Variants in TBC1D24 observed in about 807,000 individuals in gnomAD.
TBC1D24 encodes the protein TBC1 domain family member 24, also known as Infantile myoclonic epilepsy.
In TBC1D24, 47 loss-of-function variants were observed where a neutral mutation model predicts 50.7. That is an observed-to-expected ratio of 0.93 (90% CI 0.73 to 1.18). The LOEUF (loss-of-function observed/expected upper bound fraction) is 1.18. Ranked by LOEUF, TBC1D24 falls within the 50% of genes most tolerant of loss-of-function variation. TBC1D24 has a pLI of 0.00. For missense variants in TBC1D24, 688 were observed against 766.5 expected, an observed-to-expected ratio of 0.90 and a Z score of 1.21; for synonymous variants, 324 against 335.2, an observed-to-expected ratio of 0.97 and a Z score of 0.36.
chr16:2,494,440 C>T (rs929960835), intron 1 of TBC1D24, among the ~76,000 whole-genome samples: 2 of 150,750 alleles, frequency 1.3e-5, no homozygotes, highest in Admixed American at 6.6e-5. Context: ...AGAACTAGAA[C>T]GAAGCATCTC....
At chr16:2,476,117 C>T (rs2065566102) in intron 1 of TBC1D24, among the ~76,000 whole-genome samples, 2 of 150,362 alleles carry the variant, frequency 1.3e-5, no homozygotes, top group Non-Finnish European at 1.5e-5. Context: ...TGATTTTTCC[C>T]TGTTTTGCTG....
intron 1 of TBC1D24, chr16:2,477,255 A>G (rs960353734): frequency 3.3e-5 from 5 of 152,226 alleles, no homozygotes; most frequent in Admixed American, 2.0e-4. Flanking sequence ...TTCATTATTC[A>G]ATGATTTTCT....
At chr16:2,484,698 C>A (rs1343870087) in intron 1 of TBC1D24, 1 of 152,356 alleles carries the variant, frequency 6.6e-6, no homozygotes, top group African/African-American at 2.4e-5. Context: ...GTCCACTGTG[C>A]CAGCTCCATT....
rs940314209 is a variant in TBC1D24 at position 2,486,815 on chromosome 16, C to G, written c.-115-9219C>G. ...GCTGGAATTCTCTGTTTGTCGCTCG[C>G]CCCCGCCTCCAGCATCCCCAAGTGG... On this transcript the variant is annotated intron_variant, in intron 1 of 7. Coordinates refer to ENST00000646147, the MANE Select transcript of TBC1D24 (RefSeq NM_001199107.2). The surrounding 1 kb of genome is among the most constrained non-coding windows in gnomAD (Gnocchi z 5.8). Among the ~76,000 whole-genome samples, 1 of 152,226 alleles carries G rather than the reference C, an allele frequency of 6.6e-6. No homozygotes were observed. The highest frequency in any genetic ancestry group is 6.5e-5 in the Admixed American group (1 of 15,286).
intron 1 of TBC1D24, among the ~76,000 whole-genome samples, chr16:2,490,018 G>T (rs193018220): frequency 6.6e-6 from 1 of 152,278 alleles, no homozygotes; most frequent in East Asian, 1.9e-4. Context: ...CACCTACTCT[G>T]CTGGTGTCTG....
intron 1 of TBC1D24, among the ~76,000 whole-genome samples, chr16:2,488,904 C>CA (rs1272998413): frequency 0.035 from 3,456 of 97,634 alleles, 105 homozygotes; most frequent in African/African-American, 0.1. Context: ...ACTAAAAATA[C>CA]AAAAAAAAAA....
At position 2,496,308 on chromosome 16, in the gene TBC1D24, G is replaced by T. The variant is rs1250772981; in HGVS notation, c.160G>T (p.Val54Leu). The T allele has an allele frequency of 1.2e-6, 2 of 1,613,682 alleles. No individual in the cohort carries two copies. The highest frequency in any genetic ancestry group is 2.7e-5 in the African/African-American group (2 of 75,080). ...WAQSHALRGK[V>L]YQRLIRDIPC... ...CCAAAGCCACGCCCTGCGGGGAAAGGTGTACCAGCGCCTGATCCGGGACAT... is the reference window on the plus strand; with the variant it reads ...CCAAAGCCACGCCCTGCGGGGAAAGTTGTACCAGCGCCTGATCCGGGACAT... Residue 54 changes from valine to leucine, a missense_variant, in exon 2 of 8, where the codon GTG (valine) becomes TTG (leucine). Coordinates refer to ENST00000646147, the MANE Select transcript of TBC1D24 (RefSeq NM_001199107.2).
At chr16:2,495,902 C>T in intron 1 of TBC1D24, 132 bp from the exon 2 acceptor site, 1 of 498,314 alleles carries the variant, frequency 2.0e-6, no homozygotes, top group Non-Finnish European at 3.6e-6. Flanking sequence ...CACTGCACCG[C>T]ACTCCAACCT....
rs9939052 is a variant in TBC1D24 at position 2,500,064 on chromosome 16, C to T, written c.1302+134C>T. On this transcript the variant is annotated intron_variant, in intron 6 of 7. Transcript: ENST00000646147. This position sits in a 1 kb window ranked among gnomAD's most constrained non-coding sequence, Gnocchi z 8.0. ...CCCAGCAGCGTCATCGCCCTGTGTG[C>T]TTCCGGGTTTGATCATTCAGCCGTG... 5.0e-3 allele frequency: 4,966 copies of T among 985,642 alleles called. 154 individuals are homozygous for T. In the African/African-American group the frequency reaches 0.067, roughly 13 times the overall value. The allele number at this position is 985,642 out of a possible 1,614,324, so 61.1% of individuals were successfully genotyped here.
Position 2,500,287 on chromosome 16 carries a change from G to A in TBC1D24, c.1322G>A (p.Arg441His), listed in dbSNP as rs556865791. Residue 441 changes from arginine to histidine, a missense_variant, in exon 7 of 8, where the codon CGC (arginine) becomes CAC (histidine). Transcript: ENST00000646147. This position sits in a 1 kb window ranked among gnomAD's most constrained non-coding sequence, Gnocchi z 8.0. ...FVFRLQPEVQ[R>H]YEWVVIKHPE... ...CCCCAGCTGCAGCCTGAGGTGCAGCGCTACGAGTGGGTGGTGATCAAGCAC... is the reference window on the plus strand; with the variant it reads ...CCCCAGCTGCAGCCTGAGGTGCAGCACTACGAGTGGGTGGTGATCAAGCAC... 11 of 1,608,054 alleles carry A rather than the reference G, an allele frequency of 6.8e-6. No individual in the cohort carries two copies. The East Asian group carries it at 2.0e-4, about 29-fold the overall frequency.
chr16:2,497,753 C>T, intron 3 of TBC1D24, 26 bp downstream of exon 3: 3 of 1,535,662 alleles, frequency 2.0e-6, no homozygotes, highest in East Asian at 2.4e-5. Context: ...TATCTGCACA[C>T]CTGGCCTCTG....
At position 2,496,418 on chromosome 16, in the gene TBC1D24, G is replaced by A; in HGVS notation, c.270G>A (p.Leu90=). The A allele has an allele frequency of 6.2e-7, 1 of 1,612,998 alleles. No homozygotes were observed. The highest frequency in any genetic ancestry group is 1.3e-5 in the African/African-American group (1 of 75,062). Residue 90 remains leucine, a synonymous_variant, in exon 2 of 8, where the codon CTG becomes CTA. Transcript: ENST00000646147. ...KIVGKHSSSC[L]PLPEFVDNTQ... is the part of the protein sequence containing the mutation. Reference sequence around the variant, plus strand: ...TGGGCAAGCACAGCAGCAGCTGCCTGCCGCTGCCCGAGTTCGTGGACAACA... The same window carrying A: ...TGGGCAAGCACAGCAGCAGCTGCCTACCGCTGCCCGAGTTCGTGGACAACA...
chr16:2,482,627 G>A lies in TBC1D24; in HGVS notation c.-116+7457G>A, dbSNP rs897231705. Among the ~76,000 whole-genome samples, 1 of 152,208 alleles carries A rather than the reference G, an allele frequency of 6.6e-6. No individual in the cohort carries two copies. Among genetic ancestry groups the A allele is most frequent in the Non-Finnish European group, 1.5e-5 (1 of 68,036 alleles). ...TTCGGGTGGAGAACGGTGACCGGGT[G>A]AAGCCCTGAGTGGGCAGGAGGCTGG... On this transcript the variant is annotated intron_variant, in intron 1 of 7. Transcript: ENST00000646147. The surrounding 1 kb of genome is among the most constrained non-coding windows in gnomAD (Gnocchi z 5.2).
In TBC1D24 at chr16:2,483,024, T is replaced by C; in HGVS notation, c.-116+7854T>C. On this transcript the variant is annotated intron_variant, in intron 1 of 7. Transcript: ENST00000646147. This position sits in a 1 kb window ranked among gnomAD's most constrained non-coding sequence, Gnocchi z 4.0. ...CTCAGGCCCTGTGGTTTGCTGTGTT[T>C]GGGGCCTGCTGTCACAGCACTGGGA... The C allele has an allele frequency of 6.5e-6, 1 of 152,964 alleles. No individual in the cohort carries two copies. Among genetic ancestry groups the C allele is most frequent in the Non-Finnish European group, 1.5e-5 (1 of 68,634 alleles). 9.5% of individuals were successfully genotyped at this position (152,964 alleles called of 1,614,324 possible). A position where few individuals can be genotyped will look rare whatever the true frequency, so the allele number is the denominator to read the frequency against.
Position 2,496,541 on chromosome 16 carries a change from C to T in TBC1D24, c.393C>T (p.Cys131=), listed in dbSNP as rs777604231. ...LANQFPDISF[C]PALPAVVALL... Reference sequence around the variant, plus strand: ...ACCAGTTCCCCGACATCTCCTTCTGCCCCGCCCTGCCGGCCGTGGTGGCCC... The same window carrying T: ...ACCAGTTCCCCGACATCTCCTTCTGTCCCGCCCTGCCGGCCGTGGTGGCCC... The change falls in exon 2 of 8, where the codon TGC becomes TGT. Residue 131 remains cysteine (C), a synonymous_variant. Coordinates refer to ENST00000646147, the MANE Select transcript of TBC1D24 (RefSeq NM_001199107.2). The T allele has an allele frequency of 6.2e-7, 1 of 1,608,402 alleles. No homozygotes were observed. The highest frequency in any genetic ancestry group is 1.1e-5 in the South Asian group (1 of 91,084).
chr16:2,497,575 G>T (rs954746812), intron 2 of TBC1D24, 135 bp from the exon 3 acceptor site: 13 of 850,286 alleles, frequency 1.5e-5, no homozygotes, highest in Non-Finnish European at 2.3e-5. Context: ...ATGGTGCCAC[G>T]CTGCGGCCTG....
intron 1 of TBC1D24, chr16:2,479,424 G>A (rs2065593480): frequency 6.6e-6 from 1 of 152,244 alleles, no homozygotes; most frequent in African/African-American, 2.4e-5. Context: ...AGAGACCCAA[G>A]GCTGCAGAGC....
chr16:2,492,689 A>G (rs953946279), intron 1 of TBC1D24, among the ~76,000 whole-genome samples: 8 of 152,204 alleles, frequency 5.3e-5, no homozygotes, highest in African/African-American at 1.9e-4. Flanking sequence ...GACCAGGGAA[A>G]GGGGGAGCCC....
Position 2,486,581 on chromosome 16 carries a change from G to T in TBC1D24, c.-115-9453G>T, listed in dbSNP as rs547222783. 3.3e-5 allele frequency among the ~76,000 whole-genome samples: 5 copies of T among 152,316 alleles called. No individual in the cohort carries two copies. The East Asian group carries it at 9.7e-4, about 29-fold the overall frequency. On this transcript the variant is annotated intron_variant, in intron 1 of 7. Coordinates refer to ENST00000646147, the MANE Select transcript of TBC1D24 (RefSeq NM_001199107.2). This position sits in a 1 kb window ranked among gnomAD's most constrained non-coding sequence, Gnocchi z 5.8. ...CAGCTCTTCAACCTGGAGTCCTAGC[G>T]AACACTGACCTACGTTGGGACAGGG...
Sources: allele counts gnomAD v4.1 joint callset (sites outside exome capture counted in the v4.1 genomes callset), GRCh38; gene constraint gnomAD v4.1.1; non-coding constraint Gnocchi (gnomAD v3.1); transcripts MANE v1.5; gene names NCBI Gene and HGNC (gene_info 2026-07-23, HGNC 2026-07-21).